The following RAP1A variants were observed in gnomAD, a reference collection of about 807,000 sequenced individuals.
RAP1A encodes ras-related protein Rap-1A.
Under a neutral mutation model 26.4 loss-of-function variants are expected in RAP1A, and 6 were observed. That is an observed-to-expected ratio of 0.23 (90% CI 0.12 to 0.45). RAP1A has a LOEUF of 0.45. RAP1A is among the 20% of genes least tolerant of loss of function. RAP1A has a pLI of 0.99. For missense variants in RAP1A, 121 were observed against 217.2 expected, an observed-to-expected ratio of 0.56 and a Z score of 2.78; for synonymous variants, 73 against 79.4, an observed-to-expected ratio of 0.92 and a Z score of 0.43.
chr1:111,655,858 T>G (rs1052195594), intron 1 of RAP1A, among the ~76,000 whole-genome samples: 1 of 151,574 alleles, frequency 6.6e-6, no homozygotes, highest in Non-Finnish European at 1.5e-5. Context: ...GTTTGTTTTT[T>G]TGTTTTTTGT....
intron 1 of RAP1A, among the ~76,000 whole-genome samples, chr1:111,544,408 CTA>C (rs998521560): frequency 4.6e-5 from 7 of 152,168 alleles, no homozygotes; most frequent in African/African-American, 1.7e-4. Context: ...CAATCTGTCT[CTA>C]TGGATTTGAC....
chr1:111,619,150 C>T (rs1280605610), upstream of RAP1A, among the ~76,000 whole-genome samples: 1 of 152,192 alleles, frequency 6.6e-6, no homozygotes, highest in East Asian at 1.9e-4. Context: ...CAGGCGTATC[C>T]CCACCTCTGG....
At chr1:111,590,049 C>T (rs897318397) in intron 1 of RAP1A, among the ~76,000 whole-genome samples, 10 of 152,284 alleles carry the variant, frequency 6.6e-5, no homozygotes, top group East Asian at 1.9e-4. Flanking sequence ...GGATTACAGG[C>T]GTGAGCCACT....
In RAP1A at chr1:111,574,199, T is replaced by C. The variant is rs898574275; in HGVS notation, c.-28+31690T>C. Among the ~76,000 whole-genome samples the C allele has an allele frequency of 2.6e-5, 4 of 152,364 alleles. No homozygotes were observed. In the East Asian group the frequency reaches 7.7e-4, roughly 29 times the overall value. ...TGGCTAGCCAGTTCACCTAGCACTA[T>C]GTATTGAATAAGGAGCCCTTTCCTC... On this transcript the variant is annotated intron_variant, in intron 1 of 7. Coordinates refer to the RAP1A transcript ENST00000356415.
chr1:111,673,442 C>T (rs1022761993), intron 1 of RAP1A, among the ~76,000 whole-genome samples: 1 of 152,078 alleles, frequency 6.6e-6, no homozygotes, highest in South Asian at 2.1e-4. Flanking sequence ...TTAAAAATTG[C>T]AGAAACAACA....
intron 1 of RAP1A, among the ~76,000 whole-genome samples, chr1:111,628,640 G>C (rs79270109): frequency 0.02 from 3,074 of 152,224 alleles, 64 homozygotes; most frequent in East Asian, 0.071. Context: ...CAGGGAATCT[G>C]GATTAATAGT....
intron 1 of RAP1A, among the ~76,000 whole-genome samples, chr1:111,640,561 A>G (rs1045144437): frequency 3.8e-4 from 58 of 152,250 alleles, no homozygotes; most frequent in Admixed American, 3.7e-3. Context: ...TCAGGAAAGT[A>G]TTAAATAATT....
chr1:111,648,339 C>CCAGA, intron 1 of RAP1A: 4 of 746,736 alleles, frequency 5.4e-6, no homozygotes, highest in Non-Finnish European at 9.1e-6. Flanking sequence ...TTGCCATCCA[C>CCAGA]TATCTGGTGG....
intron 1 of RAP1A, among the ~76,000 whole-genome samples, chr1:111,612,739 C>G (rs1189816020): frequency 1.3e-5 from 2 of 152,124 alleles, no homozygotes; most frequent in Non-Finnish European, 2.9e-5. Context: ...ATTTACAAAC[C>G]TGGATGTTTA....
chr1:111,601,272 A>G (rs927314882), intron 1 of RAP1A, among the ~76,000 whole-genome samples: 10 of 152,108 alleles, frequency 6.6e-5, no homozygotes, highest in African/African-American at 2.4e-4. Context: ...AATTTCAACC[A>G]CACCGATTGT....
Position 111,658,484 on chromosome 1 carries a change from T to A in RAP1A, c.-27-32850T>A, listed in dbSNP as rs1660534441. Among the ~76,000 whole-genome samples the A allele has an allele frequency of 2.6e-5, 4 of 152,262 alleles. No homozygotes were observed. In the South Asian group the frequency reaches 6.2e-4, roughly 24 times the overall value. The stretch of plus-strand genomic sequence containing the variant: ...ACACATTGTTGTCTGTTAAAAAAAA[T>A]TTCCTTTCTTTAGTTCCTTATTCTA... On this transcript the variant is annotated intron_variant, in intron 1 of 7. Transcript: ENST00000369709.
Position 111,635,288 on chromosome 1 carries a change from A to C in RAP1A, c.-28+15354A>C, listed in dbSNP as rs567202182. Among the ~76,000 whole-genome samples the C allele has an allele frequency of 1.4e-4, 21 of 152,318 alleles. No homozygotes were observed. The South Asian group carries it at 3.3e-3, about 24-fold the overall frequency. ...TATGCTGTTTTATGGATAAGTGTTT[A>C]ATTATAGGATTTAAACTTATTTATA... On this transcript the variant is annotated intron_variant, in intron 1 of 7. Coordinates refer to ENST00000369709, the MANE Select transcript of RAP1A (RefSeq NM_002884.4).
At chr1:111,626,376 C>T (rs1268369869) in intron 1 of RAP1A, among the ~76,000 whole-genome samples, 15 of 144,288 alleles carry the variant, frequency 1.0e-4, no homozygotes, top group Non-Finnish European at 1.6e-4. Context: ...TACATACACA[C>T]ACACACACAC....
chr1:111,590,335 T>C (rs1658447487), intron 1 of RAP1A, among the ~76,000 whole-genome samples: 1 of 152,212 alleles, frequency 6.6e-6, no homozygotes, highest in Non-Finnish European at 1.5e-5. Flanking sequence ...TGGACATTCT[T>C]GTCTTATTCT....
In RAP1A at chr1:111,715,695, A is replaced by C. The variant is rs535542274; in HGVS notation, c.*3294A>C. On this transcript the variant is annotated 3_prime_UTR_variant, in exon 8 of 8. Coordinates refer to ENST00000369709, the MANE Select transcript of RAP1A (RefSeq NM_002884.4). The stretch of plus-strand genomic sequence containing the variant: ...GCCACCATTTACTCCTCACTGAAAT[A>C]TTCTTCTTCTTTGAGGTTATAATGT... 3.9e-5 allele frequency: 6 copies of C among 152,364 alleles called. No homozygotes were observed. Among genetic ancestry groups the C allele is most frequent in the African/African-American group, 1.2e-4 (5 of 41,584 alleles). 9.4% of individuals were successfully genotyped at this position (152,364 alleles called of 1,614,324 possible).
At chr1:111,632,063 G>A (rs1308374192) in intron 1 of RAP1A, among the ~76,000 whole-genome samples, 1 of 152,154 alleles carries the variant, frequency 6.6e-6, no homozygotes, top group Non-Finnish European at 1.5e-5. Context: ...GCCAGTGTTA[G>A]TTGTCTGCCT....
intron 1 of RAP1A, among the ~76,000 whole-genome samples, chr1:111,634,625 G>GTATT (rs1007335632): frequency 8.0e-5 from 12 of 150,630 alleles, no homozygotes; most frequent in South Asian, 2.1e-4. Context: ...ATGTATGTAT[G>GTATT]TATTTATTTA....
chr1:111,633,758 A>G (rs1285233027), intron 1 of RAP1A, among the ~76,000 whole-genome samples: 4 of 152,224 alleles, frequency 2.6e-5, no homozygotes, highest in Admixed American at 2.6e-4. Context: ...ACATTGGAAT[A>G]TGATAGCATT....
chr1:111,619,791 C>G lies in RAP1A; in HGVS notation c.-171C>G, dbSNP rs956361757. 1 of 397,946 alleles carries G rather than the reference C, an allele frequency of 2.5e-6. No homozygotes were observed. The allele number at this position is 397,946 out of a possible 1,614,324, so 24.7% of individuals were successfully genotyped here. On this transcript the variant is annotated 5_prime_UTR_variant, in exon 1 of 8. Coordinates refer to ENST00000369709, the MANE Select transcript of RAP1A (RefSeq NM_002884.4). ...GTGCGCGTTCTGGAGGAGGCGCCGC[C>G]GCCGCTCCCGAGGCCCCTGCCGCCG...
Sources: gnomAD v4.1 joint callset for allele counts (sites outside exome capture counted in the v4.1 genomes callset) on GRCh38, gnomAD v4.1.1 for gene constraint, MANE v1.5 for transcripts, NCBI Gene and HGNC (gene_info 2026-07-23, HGNC 2026-07-21) for gene names.